Variants in ZNF280D observed in about 807,000 individuals in gnomAD.
ZNF280D encodes the protein suppressor of hairy wing homolog 4.
Under a neutral mutation model 94.7 loss-of-function variants are expected in ZNF280D, and 39 were observed. The ratio of observed to expected loss-of-function variants is 0.41; its 90% CI spans 0.32 to 0.54. ZNF280D has a LOEUF of 0.54. Among genes scored for constraint, ZNF280D ranks in the 20% least tolerant of loss-of-function variants. The probability of loss-of-function intolerance (pLI) is 0.22; values close to 1 mark genes in which losing one functional copy is unlikely to be tolerated. For missense variants in ZNF280D, 1,090 were observed against 1,149.3 expected (o/e 0.95, Z 0.75); for synonymous variants, 398 against 377.6 (o/e 1.05, Z -0.63).
At chr15:56,641,936 A>C (rs1025516280) in intron 20 of ZNF280D, among the ~76,000 whole-genome samples, 1 of 151,752 alleles carries the variant, frequency 6.6e-6, no homozygotes, top group Non-Finnish European at 1.5e-5. Context: ...CATTCTGTGT[A>C]TTTACAACAT....
At chr15:56,730,315 T>C (rs1395017018) in intron 1 of ZNF280D, 1 of 152,244 alleles carries the variant, frequency 6.6e-6, no homozygotes, top group African/African-American at 2.4e-5. Flanking sequence ...AGGATTTATA[T>C]ATTTAATTAG....
chr15:56,665,696 T>C (rs568054341), intron 16 of ZNF280D, among the ~76,000 whole-genome samples: 1 of 39,188 alleles, frequency 2.6e-5, no homozygotes. Flanking sequence ...ACAGCGAGAC[T>C]CCGTCTCAAA....
intron 11 of ZNF280D, 120 bp downstream of exon 11, chr15:56,678,544 C>T: frequency 1.1e-6 from 1 of 888,116 alleles, no homozygotes; most frequent in Non-Finnish European, 1.6e-6. Flanking sequence ...TTCAATTTTG[C>T]CCTCAAATTC....
chr15:56,655,758 G>C (rs2053513225), intron 17 of ZNF280D, among the ~76,000 whole-genome samples: 1 of 152,192 alleles, frequency 6.6e-6, no homozygotes. Flanking sequence ...TATTAAGCCT[G>C]TAAAAATACT....
chr15:56,732,876 T>C (rs975382012), intron 1 of ZNF280D: 2 of 152,234 alleles, frequency 1.3e-5, no homozygotes, highest in African/African-American at 2.4e-5. Context: ...GCCCTTCTTC[T>C]GTAGACAATA....
intron 20 of ZNF280D, among the ~76,000 whole-genome samples, chr15:56,640,257 T>C (rs2052564230): frequency 6.6e-6 from 1 of 152,050 alleles, no homozygotes. Context: ...TGAATGCCCC[T>C]ATAAGTTTTG....
intron 13 of ZNF280D, among the ~76,000 whole-genome samples, chr15:56,672,655 T>G (rs188162639): frequency 2.4e-3 from 361 of 152,084 alleles, no homozygotes; most frequent in Admixed American, 3.8e-3. Context: ...GTGGTTTTTT[T>G]TGTGTGTGTT....
intron 20 of ZNF280D, among the ~76,000 whole-genome samples, chr15:56,639,094 A>G (rs540539024): frequency 3.0e-4 from 45 of 152,182 alleles, no homozygotes; most frequent in African/African-American, 1.0e-3. Flanking sequence ...GGTATATGTT[A>G]TTATATCCAT....
chr15:56,721,809 T>C (rs1391462085), intron 1 of ZNF280D, among the ~76,000 whole-genome samples: 1 of 152,202 alleles, frequency 6.6e-6, no homozygotes, highest in Non-Finnish European at 1.5e-5. Context: ...TGTTCCACTT[T>C]CTTATCATTC....
intron 4 of ZNF280D, among the ~76,000 whole-genome samples, chr15:56,702,758 C>T (rs1314665387): frequency 4.6e-5 from 7 of 152,014 alleles, no homozygotes; most frequent in African/African-American, 1.7e-4. Flanking sequence ...CCCCAGGAAA[C>T]AGTATTGAAA....
chr15:56,729,435 T>C (rs1050187489), intron 1 of ZNF280D, among the ~76,000 whole-genome samples: 4 of 152,214 alleles, frequency 2.6e-5, no homozygotes, highest in Admixed American at 6.5e-5. Flanking sequence ...ATGATTCTTA[T>C]TGTCCTAAGG....
At chr15:56,676,635 A>G (rs369938693) in intron 13 of ZNF280D, 35 bp downstream of exon 13, 244 of 1,548,450 alleles carry the variant, frequency 1.6e-4, no homozygotes, top group Non-Finnish European at 2.0e-4. Flanking sequence ...TCACTAAGAC[A>G]ACATAATAAA....
chr15:56,684,164 C>CA lies in ZNF280D; in HGVS notation c.781-1688dup, dbSNP rs540845098. On this transcript the variant is annotated intron_variant, in intron 9 of 21. Coordinates refer to ENST00000267807, the MANE Select transcript of ZNF280D (RefSeq NM_017661.4). ...CAATTGCAGGAAGCCTTCTGCCCAG[C>CA]AAAAAGCTGTTTAAACCAGCTAGCA... Among the ~76,000 whole-genome samples, 44 of 152,222 alleles carry CA rather than the reference C, an allele frequency of 2.9e-4. No homozygotes were observed. The South Asian group carries it at 7.9e-3, about 27-fold the overall frequency.
intron 13 of ZNF280D, among the ~76,000 whole-genome samples, chr15:56,670,037 A>T: frequency 4.9e-5 from 1 of 20,298 alleles, no homozygotes; most frequent in African/African-American, 1.6e-4. Flanking sequence ...TTTTAGAGAA[A>T]CCACTCTTTT....
intron 13 of ZNF280D, 127 bp downstream of exon 13, chr15:56,676,543 G>C: frequency 1.4e-6 from 1 of 733,604 alleles, no homozygotes; most frequent in South Asian, 3.8e-5. Context: ...AACTTGAAGT[G>C]TAAATTAATA....
chr15:56,706,936 CT>C, intron 3 of ZNF280D, 145 bp downstream of exon 3: 1 of 697,520 alleles, frequency 1.4e-6, no homozygotes, highest in Non-Finnish European at 2.4e-6. Context: ...ATTTATATTA[CT>C]TGTTTTTATG....
chr15:56,690,049 A>G (rs770768690), intron 7 of ZNF280D, among the ~76,000 whole-genome samples: 2 of 152,204 alleles, frequency 1.3e-5, no homozygotes, highest in African/African-American at 2.4e-5. Context: ...GAAAGTGGAA[A>G]TAACTAATCT....
In ZNF280D at chr15:56,689,291, C is replaced by G; in HGVS notation, c.670+9G>C. The G allele has an allele frequency of 6.3e-7, 1 of 1,589,770 alleles. No homozygotes were observed. The highest frequency in any genetic ancestry group is 1.4e-5 in the African/African-American group (1 of 73,562). On this transcript the variant is annotated intron_variant, in intron 8 of 21. Coordinates refer to ENST00000267807, the MANE Select transcript of ZNF280D (RefSeq NM_017661.4). ...TAACTTCTTTTTATGTACCACATTT[C>G]ATATTTACCTTTTGCTAGCATAGCC...
At chr15:56,640,135 G>T (rs2052557552) in intron 20 of ZNF280D, among the ~76,000 whole-genome samples, 1 of 151,982 alleles carries the variant, frequency 6.6e-6, no homozygotes, top group East Asian at 1.9e-4. Context: ...AAAAGGAAAA[G>T]AAATCATGGG....
Sources: gnomAD v4.1 joint callset for allele counts (sites outside exome capture counted in the v4.1 genomes callset) on GRCh38, gnomAD v4.1.1 for gene constraint, MANE v1.5 for transcripts, NCBI Gene and HGNC (gene_info 2026-07-23, HGNC 2026-07-21) for gene names.